MAP1A: variants seen among roughly 807,000 people sequenced by gnomAD.
The protein encoded by MAP1A is microtubule associated protein 1A.
In MAP1A, 42 loss-of-function variants were observed where a neutral mutation model predicts 185.9. That is an observed-to-expected ratio of 0.23 (90% CI 0.18 to 0.29). MAP1A has a LOEUF of 0.29. MAP1A is among the 10% of genes least tolerant of loss of function. MAP1A has a pLI of 1.00. For missense variants in MAP1A, 2,995 were observed against 3,450.4 expected, an observed-to-expected ratio of 0.87 and a Z score of 3.31; for synonymous variants, 1,229 against 1,335.9, an observed-to-expected ratio of 0.92 and a Z score of 1.74.
chr15:43,511,843 G>C (rs1166000460), intron 1 of MAP1A, among the ~76,000 whole-genome samples: 7 of 152,210 alleles, frequency 4.6e-5, no homozygotes, highest in Admixed American at 2.6e-4. Flanking sequence ...CTGTAAATGT[G>C]GGGAAGGTAG....
At position 43,526,576 on chromosome 15, in the gene MAP1A, C is replaced by T. The variant is rs1467824319; in HGVS notation, c.5103C>T (p.Ser1701=). 5.0e-6 allele frequency: 8 copies of T among 1,614,088 alleles called. No homozygotes were observed. The highest frequency in any genetic ancestry group is 6.8e-6 in the Non-Finnish European group (8 of 1,180,038). The change falls in exon 4 of 6, where the codon AGC becomes AGT. Residue 1701 remains serine (S), a synonymous_variant. Transcript: ENST00000300231. This position sits in a 1 kb window ranked among gnomAD's most constrained non-coding sequence, Gnocchi z 4.7. ...LEQDTYWREL[S]CERKVWFPHE... is the part of the protein sequence containing the mutation. ...AGGACACATACTGGAGGGAGCTAAG[C>T]TGTGAGCGGAAGGTCTGGTTCCCTC...
upstream of MAP1A, among the ~76,000 whole-genome samples, chr15:43,517,429 T>C (rs2140202313): frequency 6.6e-6 from 1 of 152,246 alleles, no homozygotes. Context: ...CAGAGGCTCC[T>C]TGAGCTGCTA....
At position 43,525,341 on chromosome 15, in the gene MAP1A, G is replaced by T. The variant is rs749755700; in HGVS notation, c.3868G>T (p.Ala1290Ser). ...TDDSLDRKSP[A>S]SSFSHSTPSG... ...TGACAGCCTTGACAGGAAGTCACCT[G>T]CCAGCTCATTCTCTCACTCTACACC... Residue 1290 changes from alanine to serine, a missense_variant, in exon 4 of 6, where the codon GCC (alanine) becomes TCC (serine). Around this residue, in one of 3 missense-constraint regions of MAP1A, gnomAD observed 2,728 missense variants for 2,986.0 expected, o/e 0.91. Transcript: ENST00000300231. 3 of 1,613,910 alleles carry T rather than the reference G, an allele frequency of 1.9e-6. No homozygotes were observed. The highest frequency in any genetic ancestry group is 2.7e-5 in the African/African-American group (2 of 74,892).
rs1349498261 is a variant in MAP1A, at chr15:43,528,557, C to T, written c.7084C>T (p.Pro2362Ser). 5 of 1,613,576 alleles carry T rather than the reference C, an allele frequency of 3.1e-6. No individual in the cohort carries two copies. Among genetic ancestry groups the T allele is most frequent in the Non-Finnish European group, 4.2e-6 (5 of 1,179,976 alleles). Residue 2362 changes from proline (P) to serine (S), a missense_variant, in exon 4 of 6, where the codon CCA (proline) becomes TCA (serine). Coordinates refer to ENST00000300231, the MANE Select transcript of MAP1A (RefSeq NM_002373.6). ...CTCTGAGGATTGTGCAGCCAATGGCCCAACTGAAACCAGCCCTAACCCCCC... is the reference window on the plus strand; with the variant it reads ...CTCTGAGGATTGTGCAGCCAATGGCTCAACTGAAACCAGCCCTAACCCCCC... ...VPSEDCAANG[P>S]TETSPNPPGP...
chr15:43,525,737 C>G lies in MAP1A; in HGVS notation c.4264C>G (p.Leu1422Val), dbSNP rs1016497174. 6.2e-7 allele frequency: 1 copy of G among 1,614,116 alleles called. No homozygotes were observed. The highest frequency in any genetic ancestry group is 8.5e-7 in the Non-Finnish European group (1 of 1,180,032). The stretch of plus-strand genomic sequence containing the variant: ...AGACTTAGAGCAAAAAGACACAGCC[C>G]TAGAACAGAAGGACAAGGCCCTGGA... ...GRDLEQKDTA[L>V]EQKDKALEPK... is the part of the protein sequence containing the mutation. The change falls in exon 4 of 6, where the codon CTA becomes GTA. Residue 1422 changes from leucine (L) to valine (V), a missense_variant. Leu to Val is a conservative substitution (Grantham distance 32). Coordinates refer to ENST00000300231, the MANE Select transcript of MAP1A (RefSeq NM_002373.6).
rs975017396 is a variant in MAP1A, at chr15:43,510,988, C to T, written c.-1C>T. ...CGGACTAACACTCCGCGGGTGTTTCCATGGAGACCGAGGCCGAGCCTGCGC... is the reference window on the plus strand; with the variant it reads ...CGGACTAACACTCCGCGGGTGTTTCTATGGAGACCGAGGCCGAGCCTGCGC... On this transcript the variant is annotated 5_prime_UTR_variant, in exon 1 of 7. Transcript: ENST00000382031. 9.7e-6 allele frequency: 15 copies of T among 1,540,014 alleles called. No homozygotes were observed. The Middle Eastern group carries it at 7.8e-4, about 80-fold the overall frequency.
In MAP1A at chr15:43,528,937, T is replaced by G. The variant is rs2079359186; in HGVS notation, c.7464T>G (p.Thr2488=). Residue 2488 remains threonine, a synonymous_variant, in exon 4 of 6, where the codon ACT becomes ACG. Coordinates refer to ENST00000300231, the MANE Select transcript of MAP1A (RefSeq NM_002373.6). ...GRRRVGGPGT[T]GGPCPVTDET... The stretch of plus-strand genomic sequence containing the variant: ...GCCGGGTAGGGGGGCCAGGGACCAC[T>G]GGGGGCCCATGCCCTGTGACTGATG... 3.1e-6 allele frequency: 5 copies of G among 1,612,860 alleles called. No individual in the cohort carries two copies. The African/African-American group carries it at 4.0e-5, about 13-fold the overall frequency.
chr15:43,527,633 G>A lies in MAP1A; in HGVS notation c.6160G>A (p.Glu2054Lys), dbSNP rs919273998. Residue 2054 changes from glutamate (E) to lysine (K), a missense_variant, in exon 4 of 6, where the codon GAG becomes AAG. Physicochemically the swap from Glu to Lys is moderately conservative, Grantham distance 56. Coordinates refer to ENST00000300231, the MANE Select transcript of MAP1A (RefSeq NM_002373.6). ...PPRPEPGPSM[E>K]PSLTPPAVPP... ...AAGGCCAGAGCCAGGGCCAAGTATG[G>A]AGCCCAGCCTCACCCCACCTGCAGT... 1.2e-6 allele frequency: 2 copies of A among 1,613,950 alleles called. No homozygotes were observed. The highest frequency in any genetic ancestry group is 1.7e-6 in the Non-Finnish European group (2 of 1,179,970).
chr15:43,513,585 A>G (rs2079289370), upstream of MAP1A, among the ~76,000 whole-genome samples: 2 of 152,210 alleles, frequency 1.3e-5, no homozygotes, highest in Non-Finnish European at 2.9e-5. Context: ...ACTGATACTT[A>G]TAGATGCTGC....
At chr15:43,512,352 C>T (rs2079284805) in intron 2 of MAP1A, 1 of 1,245,790 alleles carries the variant, frequency 8.0e-7, no homozygotes, top group East Asian at 2.5e-5. Flanking sequence ...GGTCCAGTCT[C>T]CCTGGGAGAA....
rs770379989 is a variant in MAP1A, at chr15:43,527,296, T to A, written c.5823T>A (p.His1941Gln). ...SSKVPEASKS[H>Q]ATTEPEQTEP... is the part of the protein sequence containing the mutation. The stretch of plus-strand genomic sequence containing the variant: ...AGGTACCAGAGGCCAGCAAAAGCCA[T>A]GCCACCACGGAGCCTGAGCAGACTG... Residue 1941 changes from histidine to glutamine, a missense_variant, in exon 4 of 6, where the codon CAT (histidine) becomes CAA (glutamine). This residue lies in a region of MAP1A where 2,728 missense variants were observed against 2,986.0 expected (regional missense o/e 0.91). Transcript: ENST00000300231. The A allele has an allele frequency of 6.2e-7, 1 of 1,614,150 alleles. No homozygotes were observed. Among genetic ancestry groups the A allele is most frequent in the East Asian group, 2.2e-5 (1 of 44,886 alleles).
At position 43,522,749 on chromosome 15, in the gene MAP1A, G is replaced by A; in HGVS notation, c.1276G>A (p.Glu426Lys). 6.4e-7 allele frequency: 1 copy of A among 1,572,232 alleles called. No individual in the cohort carries two copies. Among genetic ancestry groups the A allele is most frequent in the Non-Finnish European group, 8.6e-7 (1 of 1,157,036 alleles). The change falls in exon 4 of 6, where the codon GAG becomes AAG. Residue 426 changes from glutamate to lysine, a missense_variant. Glu to Lys is a moderately conservative substitution (Grantham distance 56). Coordinates refer to ENST00000300231, the MANE Select transcript of MAP1A (RefSeq NM_002373.6). This position sits in a 1 kb window ranked among gnomAD's most constrained non-coding sequence, Gnocchi z 5.9. Reference protein sequence around the residue: ...KDKEKKEIKKERKELKKDEGR... With the variant: ...KDKEKKEIKKKRKELKKDEGR... ...CAAGGAGAAAAAAGAGATCAAAAAG[G>A]AGAGGAAAGAGCTCAAGAAGGATGA...
At position 43,524,679 on chromosome 15, in the gene MAP1A, G is replaced by T; in HGVS notation, c.3206G>T (p.Ser1069Ile). Residue 1069 changes from serine to isoleucine, a missense_variant, in exon 4 of 6, where the codon AGC (serine) becomes ATC (isoleucine). Transcript: ENST00000300231. The part of the protein sequence containing the change: ...EKEEKVPPPR[S>I]PQAQEAPVNI... ...GAAGAGAAAGTTCCTCCTCCCAGGA[G>T]CCCCCAGGCCCAGGAAGCACCTGTC... 6.2e-7 allele frequency: 1 copy of T among 1,614,156 alleles called. No homozygotes were observed. Among genetic ancestry groups the T allele is most frequent in the Non-Finnish European group, 8.5e-7 (1 of 1,180,010 alleles).
chr15:43,514,624 T>C (rs2079291991), upstream of MAP1A, among the ~76,000 whole-genome samples: 1 of 152,116 alleles, frequency 6.6e-6, no homozygotes. Flanking sequence ...CCCTCCACAT[T>C]GACATACCCA....
In MAP1A at chr15:43,530,013, C is replaced by A; in HGVS notation, c.8257-56C>A. 3 of 1,592,922 alleles carry A rather than the reference C, an allele frequency of 1.9e-6. No homozygotes were observed. In the South Asian group the frequency reaches 3.3e-5, roughly 18 times the overall value. On this transcript the variant is annotated intron_variant, in intron 5 of 5. Transcript: ENST00000300231. The stretch of plus-strand genomic sequence containing the variant: ...CTGAGACCATGAGGTGCCCCTTCCC[C>A]CTCACCTACCTTCCCTTTATGTTCT...
chr15:43,516,809 C>T (rs556339824), upstream of MAP1A, among the ~76,000 whole-genome samples: 2 of 152,342 alleles, frequency 1.3e-5, no homozygotes, highest in African/African-American at 2.4e-5. Flanking sequence ...CTTGCTTGGG[C>T]CGGAGGCCCT....
chr15:43,527,339 C>T lies in MAP1A; in HGVS notation c.5866C>T (p.Pro1956Ser), dbSNP rs1391474951. The change falls in exon 4 of 6, where the codon CCC becomes TCC. Residue 1956 changes from proline to serine, a missense_variant. Physicochemically the swap from Pro to Ser is moderately conservative, Grantham distance 74. Transcript: ENST00000300231. ...GCAGACTGAGCCGGAGCAGAGAGAGCCCACACCCTATCCTGATGAGAGAAG... is the reference window on the plus strand; with the variant it reads ...GCAGACTGAGCCGGAGCAGAGAGAGTCCACACCCTATCCTGATGAGAGAAG... ...PEQTEPEQRE[P>S]TPYPDERSFQ... 3.7e-6 allele frequency: 6 copies of T among 1,613,910 alleles called. No individual in the cohort carries two copies. The East Asian group carries it at 1.1e-4, about 30-fold the overall frequency.
Position 43,522,219 on chromosome 15 carries a change from C to T in MAP1A, c.746C>T (p.Ala249Val). The change falls in exon 4 of 6, where the codon GCT (alanine) becomes GTT (valine). Residue 249 changes from alanine (A) to valine (V), a missense_variant. Physicochemically the swap from Ala to Val is moderately conservative, Grantham distance 64. Around this residue, in one of 3 missense-constraint regions of MAP1A, gnomAD observed 264 missense variants for 435.3 expected, o/e 0.61. Transcript: ENST00000300231. The surrounding 1 kb of genome is among the most constrained non-coding windows in gnomAD (Gnocchi z 5.9). ...ISVPYLTSIT[A>V]LVVWLPANPT... Reference sequence around the variant, plus strand: ...GTGCCCTACCTTACCTCTATCACTGCTCTGGTGGTCTGGCTACCAGCCAAT... The same window carrying T: ...GTGCCCTACCTTACCTCTATCACTGTTCTGGTGGTCTGGCTACCAGCCAAT... 1.2e-6 allele frequency: 2 copies of T among 1,614,258 alleles called. No homozygotes were observed. Among genetic ancestry groups the T allele is most frequent in the Non-Finnish European group, 1.7e-6 (2 of 1,180,044 alleles).
Position 43,525,267 on chromosome 15 carries a change from C to T in MAP1A, c.3794C>T (p.Pro1265Leu). The stretch of plus-strand genomic sequence containing the variant: ...GAGCCCCATGCAGCCACAGCGTCAC[C>T]TCCCACAGATGGGACAACTCGATAC... The part of the protein sequence containing the change: ...VPEPHAATAS[P>L]PTDGTTRYSA... The change falls in exon 4 of 6, where the codon CCT (proline) becomes CTT (leucine). Residue 1265 changes from proline (P) to leucine (L), a missense_variant. Coordinates refer to ENST00000300231, the MANE Select transcript of MAP1A (RefSeq NM_002373.6). 6.2e-7 allele frequency: 1 copy of T among 1,614,194 alleles called. No individual in the cohort carries two copies. The highest frequency in any genetic ancestry group is 8.5e-7 in the Non-Finnish European group (1 of 1,180,042).
Sources: gnomAD v4.1 joint callset for allele counts (sites outside exome capture counted in the v4.1 genomes callset) on GRCh38, gnomAD v4.1.1 for gene constraint, gnomAD v4.1.1 regional missense constraint, Gnocchi (gnomAD v3.1) non-coding constraint, MANE v1.5 for transcripts, NCBI Gene and HGNC (gene_info 2026-07-23, HGNC 2026-07-21) for gene names.